The following FRAS1 variants were observed in gnomAD, a reference collection of about 807,000 sequenced individuals.
FRAS1 encodes the protein extracellular matrix organizing protein FRAS1.
Under a neutral mutation model 435.2 loss-of-function variants are expected in FRAS1, and 290 were observed. That is an observed-to-expected ratio of 0.67 (90% CI 0.61 to 0.73). The LOEUF is 0.73. FRAS1 is among the 30% of genes least tolerant of loss of function. The probability of loss-of-function intolerance (pLI) is 0.00; values close to 1 mark genes in which losing one functional copy is unlikely to be tolerated. For synonymous variants in FRAS1, 1,800 were observed against 1,851.0 expected, an observed-to-expected ratio of 0.97 and a Z score of 0.71; for missense variants, 4,860 against 5,001.5, an observed-to-expected ratio of 0.97 and a Z score of 0.85.
chr4:78,165,121 C>T (rs929501930), intron 2 of FRAS1, among the ~76,000 whole-genome samples: 42 of 152,096 alleles, frequency 2.8e-4, no homozygotes, highest in Non-Finnish European at 4.7e-4. Flanking sequence ...TGGTTAATGT[C>T]CAGGTAAAAC....
At chr4:78,494,960 C>A (rs1421010366) in intron 59 of FRAS1, among the ~76,000 whole-genome samples, 2 of 152,174 alleles carry the variant, frequency 1.3e-5, no homozygotes, top group Non-Finnish European at 2.9e-5. Flanking sequence ...ACTAGAAGTG[C>A]ATGAGGGTTG....
intron 6 of FRAS1, 176 bp from the exon 7 acceptor site, chr4:78,264,849 T>C: frequency 1.5e-6 from 1 of 689,548 alleles, no homozygotes; most frequent in Non-Finnish European, 2.7e-6. Flanking sequence ...CACACTGACC[T>C]TGGAATTGTT....
chr4:78,201,607 A>G (rs1365073984), intron 2 of FRAS1, among the ~76,000 whole-genome samples: 1 of 152,176 alleles, frequency 6.6e-6, no homozygotes, highest in Non-Finnish European at 1.5e-5. Flanking sequence ...CCCTCTACAT[A>G]GGATGTGCAT....
In FRAS1 at chr4:78,255,009, C is replaced by T. The variant is rs542707246; in HGVS notation, c.470-233C>T. Among the ~76,000 whole-genome samples the T allele has an allele frequency of 2.0e-5, 3 of 152,230 alleles. No individual in the cohort carries two copies. The South Asian group carries it at 6.2e-4, about 32-fold the overall frequency. On this transcript the variant is annotated intron_variant, in intron 5 of 73. Coordinates refer to ENST00000512123, the MANE Select transcript of FRAS1 (RefSeq NM_025074.7). ...GGAGCTGGTAGCTGAGAACTCATCC[C>T]AGGAAGCCAGCAGCAGGTGGGACCA...
At chr4:78,345,853 C>A (rs1406507132) in intron 20 of FRAS1, among the ~76,000 whole-genome samples, 2 of 109,416 alleles carry the variant, frequency 1.8e-5, no homozygotes, top group African/African-American at 3.9e-5. Context: ...TAAATTGAGT[C>A]CTTCCTAAAT....
In FRAS1 at chr4:78,335,327, G is replaced by A. The variant is rs13434837; in HGVS notation, c.2278+1915G>A. Among the ~76,000 whole-genome samples, 1,133 of 152,248 alleles carry A rather than the reference G, an allele frequency of 7.4e-3. 14 individuals carry two copies. Among genetic ancestry groups the A allele is most frequent in the African/African-American group, 0.025 (1,052 of 41,542 alleles). Reference sequence around the variant, plus strand: ...GGTCAACAATCTCTTACTCTATGAGGCCTCTTCTCGTGGCTAATTGTACTT... The same window carrying A: ...GGTCAACAATCTCTTACTCTATGAGACCTCTTCTCGTGGCTAATTGTACTT... On this transcript the variant is annotated intron_variant, in intron 19 of 73. Transcript: ENST00000512123.
In FRAS1 at chr4:78,377,356, C is replaced by G. The variant is rs555074879; in HGVS notation, c.3292+1477C>G. Among the ~76,000 whole-genome samples, 30 of 152,308 alleles carry G rather than the reference C, an allele frequency of 2.0e-4. No homozygotes were observed. In the South Asian group the frequency reaches 5.4e-3, roughly 27 times the overall value. ...TAAGTACTTGAGAGCCAGCTTACTT[C>G]TCTCTGGGATATAAGTCCACTTGTG... On this transcript the variant is annotated intron_variant, in intron 26 of 73. Coordinates refer to ENST00000512123, the MANE Select transcript of FRAS1 (RefSeq NM_025074.7).
intron 58 of FRAS1, among the ~76,000 whole-genome samples, chr4:78,485,571 ACTT>A (rs1210377831): frequency 2.0e-5 from 3 of 152,286 alleles, no homozygotes; most frequent in East Asian, 1.9e-4. Flanking sequence ...TTCAGTACTT[ACTT>A]CTTCTGGTTA....
rs926368585 is a variant in FRAS1 at position 78,202,695 on chromosome 4, G to GA, written c.109-34805dup. On this transcript the variant is annotated intron_variant, in intron 2 of 73. Transcript: ENST00000512123. ...GACAGAGCAAGACTCCATCTCAAAAGAAAAAAAAAATCAGTTTTCTGGATC... is the reference window on the plus strand; with the variant it reads ...GACAGAGCAAGACTCCATCTCAAAAGAAAAAAAAAAATCAGTTTTCTGGATC... 1.4e-3 allele frequency among the ~76,000 whole-genome samples: 215 copies of GA among 149,344 alleles called. 1 individual carries two copies. Among genetic ancestry groups the GA allele is most frequent in the South Asian group, 1.7e-3 (8 of 4,714 alleles).
intron 2 of FRAS1, among the ~76,000 whole-genome samples, chr4:78,139,194 G>A (rs960717668): frequency 1.3e-5 from 2 of 152,130 alleles, no homozygotes; most frequent in Admixed American, 6.5e-5. Context: ...GCCAGCCTTG[G>A]GCAGGCTGAC....
chr4:78,173,874 A>C (rs902053318), intron 2 of FRAS1, among the ~76,000 whole-genome samples: 2 of 152,242 alleles, frequency 1.3e-5, no homozygotes, highest in African/African-American at 4.8e-5. Context: ...GGCTGGTTGA[A>C]GTAATAGAAA....
intron 14 of FRAS1, among the ~76,000 whole-genome samples, chr4:78,307,260 G>C (rs1015501149): frequency 8.5e-5 from 13 of 152,234 alleles, no homozygotes; most frequent in South Asian, 6.2e-4. Flanking sequence ...AACCACTGCT[G>C]TCTTCAAAGC....
chr4:78,231,741 A>T (rs2110108891), intron 2 of FRAS1, among the ~76,000 whole-genome samples: 1 of 152,216 alleles, frequency 6.6e-6, no homozygotes, highest in East Asian at 1.9e-4. Flanking sequence ...CATTAATCAA[A>T]TATTCAGTAA....
rs1408008036 is a variant in FRAS1 at position 78,400,640 on chromosome 4, T to G, written c.3976-94T>G. 3 of 1,283,918 alleles carry G rather than the reference T, an allele frequency of 2.3e-6. No individual in the cohort carries two copies. In the Admixed American group the frequency reaches 7.9e-5, roughly 34 times the overall value. The allele number at this position is 1,283,918 out of a possible 1,614,324, so 79.5% of individuals were successfully genotyped here. ...AATCTCTCTGTCTTATTAGACGATC[T>G]TTAACAACAACAGAACTGGATAACT... On this transcript the variant is annotated intron_variant, in intron 29 of 73. Transcript: ENST00000512123.
intron 28 of FRAS1, among the ~76,000 whole-genome samples, chr4:78,385,380 T>G (rs908483351): frequency 1.3e-5 from 2 of 152,234 alleles, no homozygotes; most frequent in Non-Finnish European, 2.9e-5. Flanking sequence ...TTTCATCTGA[T>G]GTTTTTATAT....
Position 78,363,542 on chromosome 4 carries a change from G to C in FRAS1, c.2452G>C (p.Ala818Pro). The change falls in exon 21 of 74, where the codon GCT becomes CCT. Residue 818 changes from alanine (A) to proline (P), a missense_variant. Transcript: ENST00000512123. ...DCHHLCQHCA[A>P]DLHNTGSICL... is the part of the protein sequence containing the mutation. ...CCATCACCTGTGCCAGCACTGTGCAGCTGATCTCCACAACACTGGGAGCAT... is the reference window on the plus strand; with the variant it reads ...CCATCACCTGTGCCAGCACTGTGCACCTGATCTCCACAACACTGGGAGCAT... The C allele has an allele frequency of 6.2e-7, 1 of 1,613,424 alleles. No homozygotes were observed. The highest frequency in any genetic ancestry group is 1.3e-5 in the African/African-American group (1 of 75,042).
intron 2 of FRAS1, among the ~76,000 whole-genome samples, chr4:78,221,517 G>A (rs572552459): frequency 6.6e-6 from 1 of 152,262 alleles, no homozygotes; most frequent in Non-Finnish European, 1.5e-5. Context: ...AGATCTAACT[G>A]TTATCTCAGA....
chr4:78,531,440 A>G (rs1343016638), intron 70 of FRAS1, among the ~76,000 whole-genome samples: 3 of 150,232 alleles, frequency 2.0e-5, no homozygotes, highest in Admixed American at 6.7e-5. Flanking sequence ...GAATGCTTCC[A>G]GCTTTTGCCC....
At position 78,508,959 on chromosome 4, in the gene FRAS1, T is replaced by C. The variant is rs965219094; in HGVS notation, c.9733T>C (p.Phe3245Leu). ...PTDGNGARSP[F>L]ETITDNTPFT... The stretch of plus-strand genomic sequence containing the variant: ...TGATGGCAATGGGGCCCGGTCTCCC[T>C]TTGAAACCATCACTGACAACACACC... The change falls in exon 63 of 74, where the codon TTT becomes CTT. Residue 3245 changes from phenylalanine (F) to leucine (L), a missense_variant. Physicochemically the swap from Phe to Leu is conservative, Grantham distance 22 (BLOSUM62 0). Transcript: ENST00000512123. The C allele has an allele frequency of 6.2e-7, 1 of 1,613,876 alleles. No homozygotes were observed. Among genetic ancestry groups the C allele is most frequent in the Admixed American group, 1.7e-5 (1 of 60,006 alleles).
Sources: gnomAD v4.1 joint callset for allele counts (sites outside exome capture counted in the v4.1 genomes callset) on GRCh38, gnomAD v4.1.1 for gene constraint, MANE v1.5 for transcripts, NCBI Gene and HGNC (gene_info 2026-07-23, HGNC 2026-07-21) for gene names.